PCDHGB6: variants seen among roughly 807,000 people sequenced by gnomAD.
PCDHGB6 encodes the protein protocadherin gamma-B6.
Under a neutral mutation model 59.1 loss-of-function variants are expected in PCDHGB6, and 51 were observed. The ratio of observed to expected loss-of-function variants is 0.86; its 90% CI spans 0.69 to 1.09. The LOEUF (loss-of-function observed/expected upper bound fraction) is 1.09, where lower values mean the gene tolerates loss of function less well. PCDHGB6 is among the 50% of genes least tolerant of loss of function. The probability of loss-of-function intolerance (pLI) is 0.00; values close to 1 mark genes in which losing one functional copy is unlikely to be tolerated. For missense variants in PCDHGB6, 1,148 were observed against 1,205.1 expected, an observed-to-expected ratio of 0.95 and a Z score of 0.70; for synonymous variants, 466 against 495.1, an observed-to-expected ratio of 0.94 and a Z score of 0.78.
chr5:141,487,590 C>G lies in PCDHGB6; in HGVS notation c.2419-7217C>G. 1 of 1,614,160 alleles carries G rather than the reference C, an allele frequency of 6.2e-7. No homozygotes were observed. Among genetic ancestry groups the G allele is most frequent in the Non-Finnish European group, 8.5e-7 (1 of 1,180,040 alleles). ...GAGCCTGTTCGCCCAAGCTGCCCACCCTCTGATCTTCTCTATGGGCTAGAG... is the reference window on the plus strand; with the variant it reads ...GAGCCTGTTCGCCCAAGCTGCCCACGCTCTGATCTTCTCTATGGGCTAGAG... On this transcript the variant is annotated intron_variant, in intron 1 of 3. Transcript: ENST00000520790. The surrounding 1 kb of genome is among the most constrained non-coding windows in gnomAD (Gnocchi z 5.0).
intron 1 of PCDHGB6, among the ~76,000 whole-genome samples, chr5:141,453,049 G>C (rs1287375098): frequency 1.3e-5 from 2 of 152,222 alleles, no homozygotes; most frequent in East Asian, 3.9e-4. Context: ...TCTATTATGT[G>C]CAGTTTTAGA....
At chr5:141,418,348 T>C in intron 1 of PCDHGB6, 4 of 1,613,982 alleles carry the variant, frequency 2.5e-6, no homozygotes, top group Non-Finnish European at 3.4e-6. Context: ...CTGATATTAG[T>C]ATGAATTCGC....
rs1396744157 is a variant in PCDHGB6 at position 141,432,439 on chromosome 5, C to G, written c.2418+21819C>G. 22 of 1,614,108 alleles carry G rather than the reference C, an allele frequency of 1.4e-5. No individual in the cohort carries two copies. The highest frequency in any genetic ancestry group is 1.7e-5 in the Non-Finnish European group (20 of 1,180,052). On this transcript the variant is annotated intron_variant, in intron 1 of 3. Coordinates refer to ENST00000520790, the MANE Select transcript of PCDHGB6 (RefSeq NM_018926.3). This position sits in a 1 kb window ranked among gnomAD's most constrained non-coding sequence, Gnocchi z 6.0. ...TGCTGGACCAGAACGACAATGCGCCCGAGATCCTGTACCCCGCCCTCCCCA... is the reference window on the plus strand; with the variant it reads ...TGCTGGACCAGAACGACAATGCGCCGGAGATCCTGTACCCCGCCCTCCCCA...
At chr5:141,460,724 A>C (rs1294708205) in intron 1 of PCDHGB6, among the ~76,000 whole-genome samples, 1 of 152,114 alleles carries the variant, frequency 6.6e-6, no homozygotes, top group African/African-American at 2.4e-5. Context: ...TGTTATAAGC[A>C]TATATACACA....
Position 141,489,160 on chromosome 5 carries a change from C to A in PCDHGB6, c.2419-5647C>A. 1 of 1,029,962 alleles carries A rather than the reference C, an allele frequency of 9.7e-7. No individual in the cohort carries two copies. The highest frequency in any genetic ancestry group is 1.4e-6 in the Non-Finnish European group (1 of 701,366). 63.8% of individuals were successfully genotyped at this position (1,029,962 alleles called of 1,614,324 possible). ...GGCTGGAAGGAGACATAAGAGACTT[C>A]AGCTGCTGCATTCCAAGCCCTGGGT... On this transcript the variant is annotated intron_variant, in intron 1 of 3. Coordinates refer to ENST00000520790, the MANE Select transcript of PCDHGB6 (RefSeq NM_018926.3). The surrounding 1 kb of genome is among the most constrained non-coding windows in gnomAD (Gnocchi z 4.5).
intron 1 of PCDHGB6, chr5:141,419,430 A>T: frequency 1.2e-6 from 2 of 1,613,318 alleles, no homozygotes; most frequent in Non-Finnish European, 1.7e-6. Flanking sequence ...GACCACGAGC[A>T]GCTGCGCACC....
At chr5:141,461,409 A>G (rs572412049) in intron 1 of PCDHGB6, among the ~76,000 whole-genome samples, 1 of 151,928 alleles carries the variant, frequency 6.6e-6, no homozygotes, top group East Asian at 1.9e-4. Flanking sequence ...GCATTTTTTC[A>G]TATGTTTGTG....
intron 1 of PCDHGB6, among the ~76,000 whole-genome samples, chr5:141,467,727 T>C (rs1562013145): frequency 6.6e-6 from 1 of 152,046 alleles, no homozygotes; most frequent in African/African-American, 2.4e-5. Flanking sequence ...AGTGGCACAA[T>C]CCCAGCTCGC....
Position 141,408,885 on chromosome 5 carries a change from T to C in PCDHGB6, c.683T>C (p.Ile228Thr), listed in dbSNP as rs1263835706. The change falls in exon 1 of 4, where the codon ATA (isoleucine) becomes ACA (threonine). Residue 228 changes from isoleucine (I) to threonine (T), a missense_variant. Ile to Thr is a moderately conservative substitution (Grantham distance 89, BLOSUM62 -1). This residue lies in a region of PCDHGB6 where 307 missense variants were observed against 323.8 expected (regional missense o/e 0.95). Transcript: ENST00000520790. ...GDPPRSATAHIEISVKDTNDN... is the reference protein window; with the variant it reads ...GDPPRSATAHTEISVKDTNDN... ...CCACCAAGAAGTGCCACCGCTCACA[T>C]AGAAATTTCTGTCAAGGATACCAAT... is the stretch of plus-strand genomic sequence containing the variant. 3 of 1,612,902 alleles carry C rather than the reference T, an allele frequency of 1.9e-6. No homozygotes were observed. The highest frequency in any genetic ancestry group is 2.2e-5 in the East Asian group (1 of 44,842).
intron 1 of PCDHGB6, among the ~76,000 whole-genome samples, chr5:141,457,254 A>G (rs2098914828): frequency 6.6e-6 from 1 of 152,222 alleles, no homozygotes; most frequent in Admixed American, 6.5e-5. Flanking sequence ...TTGCCAACAT[A>G]TAGAATTCCC....
chr5:141,447,885 A>T (rs2098554278), intron 1 of PCDHGB6, among the ~76,000 whole-genome samples: 1 of 152,134 alleles, frequency 6.6e-6, no homozygotes, highest in Admixed American at 6.6e-5. Context: ...CAGGAGTTCG[A>T]GACCAGCCTG....
chr5:141,432,172 C>T lies in PCDHGB6; in HGVS notation c.2418+21552C>T, dbSNP rs562175068. ...AGAACAATCCCAGAGGAGTTTCCCT[C>T]GTCTCTGTGACCGCCCACGACCCCG... On this transcript the variant is annotated intron_variant, in intron 1 of 3. Coordinates refer to ENST00000520790, the MANE Select transcript of PCDHGB6 (RefSeq NM_018926.3). This position sits in a 1 kb window ranked among gnomAD's most constrained non-coding sequence, Gnocchi z 6.0. 22 of 1,614,152 alleles carry T rather than the reference C, an allele frequency of 1.4e-5. No individual in the cohort carries two copies. In the Admixed American group the frequency reaches 3.5e-4, roughly 26 times the overall value.
chr5:141,419,378 G>C (rs777509820), intron 1 of PCDHGB6: 3 of 1,613,712 alleles, frequency 1.9e-6, no homozygotes, highest in Admixed American at 3.3e-5. Context: ...CTACGTGTCC[G>C]TGAGCGCGCA....
At position 141,410,091 on chromosome 5, in the gene PCDHGB6, G is replaced by A; in HGVS notation, c.1889G>A (p.Arg630Gln). ...GLRTGEVRTA[R>Q]ALGDRDAARQ... ...CGCACTGGGGAGGTGCGCACGGCTC[G>A]AGCCTTAGGCGACAGGGACGCAGCC... The change falls in exon 1 of 4, where the codon CGA (arginine) becomes CAA (glutamine). Residue 630 changes from arginine to glutamine, a missense_variant. By Grantham distance (43) the Arg-to-Gln change is conservative. Coordinates refer to ENST00000520790, the MANE Select transcript of PCDHGB6 (RefSeq NM_018926.3). 8.7e-6 allele frequency: 14 copies of A among 1,612,518 alleles called. No homozygotes were observed. Among genetic ancestry groups the A allele is most frequent in the African/African-American group, 1.3e-5 (1 of 75,040 alleles).
intron 1 of PCDHGB6, chr5:141,421,588 G>A: frequency 1.2e-6 from 2 of 1,613,910 alleles, no homozygotes; most frequent in Non-Finnish European, 8.5e-7. Context: ...TTACGGAGTG[G>A]AGGTGGAAAT....
In PCDHGB6 at chr5:141,410,585, G is replaced by A; in HGVS notation, c.2383G>A (p.Glu795Lys). The change falls in exon 1 of 4, where the codon GAG becomes AAG. Residue 795 changes from glutamate (E) to lysine (K), a missense_variant. Coordinates refer to ENST00000520790, the MANE Select transcript of PCDHGB6 (RefSeq NM_018926.3). Reference sequence around the variant, plus strand: ...AGCCTTAATTCCACCTCATGGTGGGGAGGATTTGACTTCACATCCTGAGAC... The same window carrying A: ...AGCCTTAATTCCACCTCATGGTGGGAAGGATTTGACTTCACATCCTGAGAC... ...PGALIPPHGG[E>K]DLTSHPETLT... The A allele has an allele frequency of 6.2e-7, 1 of 1,610,012 alleles. No homozygotes were observed. The highest frequency in any genetic ancestry group is 1.1e-5 in the South Asian group (1 of 91,076).
At chr5:141,436,200 T>C (rs1266606536) in intron 1 of PCDHGB6, among the ~76,000 whole-genome samples, 1 of 152,014 alleles carries the variant, frequency 6.6e-6, no homozygotes, top group African/African-American at 2.4e-5. Context: ...AAGAAAGACA[T>C]AATAGGAAAA....
At chr5:141,499,029 A>AAGGAAGGAAGGAAGG (rs1562187768) in intron 2 of PCDHGB6, among the ~76,000 whole-genome samples, 10 of 139,968 alleles carry the variant, frequency 7.1e-5, no homozygotes, top group African/African-American at 2.8e-4. Context: ...AGGAAGGAAG[A>AAGGAAGGAAGGAAGG]AAAGAAAGAA....
intron 2 of PCDHGB6, among the ~76,000 whole-genome samples, chr5:141,505,026 G>A (rs190826538): frequency 4.6e-5 from 7 of 152,316 alleles, no homozygotes; most frequent in African/African-American, 1.7e-4. Context: ...GCCTGGCACA[G>A]TGGCAGGTGC....
Sources: gnomAD v4.1 joint callset for allele counts (sites outside exome capture counted in the v4.1 genomes callset) on GRCh38, gnomAD v4.1.1 for gene constraint, gnomAD v4.1.1 regional missense constraint, Gnocchi (gnomAD v3.1) non-coding constraint, MANE v1.5 for transcripts, NCBI Gene and HGNC (gene_info 2026-07-23, HGNC 2026-07-21) for gene names.